The following HCN1 variants were observed in gnomAD, a reference collection of about 807,000 sequenced individuals.
The protein encoded by HCN1 is potassium/sodium hyperpolarization-activated cyclic nucleotide-gated channel 1.
In HCN1, 13 loss-of-function variants were observed where a neutral mutation model predicts 78.9. The ratio of observed to expected loss-of-function variants is 0.16; its 90% CI spans 0.11 to 0.26. The LOEUF (loss-of-function observed/expected upper bound fraction) is 0.26. HCN1 is among the 10% of genes least tolerant of loss of function. HCN1 has a pLI of 1.00. For missense variants in HCN1, 810 were observed against 1,154.3 expected, an observed-to-expected ratio of 0.70 and a Z score of 4.32; for synonymous variants, 552 against 455.5, an observed-to-expected ratio of 1.21 and a Z score of -2.70.
At chr5:45,396,450 G>T (rs1249869330) in intron 4 of HCN1, 42 bp downstream of exon 4, 1 of 1,481,802 alleles carries the variant, frequency 6.7e-7, no homozygotes, top group Non-Finnish European at 9.3e-7. Context: ...ACTGGTTCAG[G>T]TTAGCTGGTT....
chr5:45,276,272 CTATT>C (rs1745056175), intron 6 of HCN1, among the ~76,000 whole-genome samples: 1 of 152,018 alleles, frequency 6.6e-6, no homozygotes, highest in Non-Finnish European at 1.5e-5. Flanking sequence ...TGCATTTCCT[CTATT>C]TGTTTAATGC....
chr5:45,407,134 A>G (rs1022209381), intron 3 of HCN1, among the ~76,000 whole-genome samples: 2 of 152,164 alleles, frequency 1.3e-5, no homozygotes, highest in African/African-American at 4.8e-5. Flanking sequence ...AATAAGTACA[A>G]TCATGCACCA....
chr5:45,372,401 A>C (rs1474320428), intron 4 of HCN1, among the ~76,000 whole-genome samples: 3 of 118,486 alleles, frequency 2.5e-5, no homozygotes, highest in East Asian at 2.3e-4. Context: ...AAATTATATA[A>C]AATATAATTA....
intron 2 of HCN1, among the ~76,000 whole-genome samples, chr5:45,613,289 A>C (rs930099846): frequency 6.6e-6 from 1 of 151,754 alleles, no homozygotes; most frequent in Non-Finnish European, 1.5e-5. Flanking sequence ...TTTACTGAGA[A>C]TGATGTTTTC....
At chr5:45,507,930 T>A (rs951792018) in intron 2 of HCN1, among the ~76,000 whole-genome samples, 1 of 152,258 alleles carries the variant, frequency 6.6e-6, no homozygotes, top group Non-Finnish European at 1.5e-5. Flanking sequence ...TAAAGAGACA[T>A]ATAACATTAT....
chr5:45,311,470 A>C (rs1321155175), intron 5 of HCN1, among the ~76,000 whole-genome samples: 1 of 152,130 alleles, frequency 6.6e-6, no homozygotes, highest in African/African-American at 2.4e-5. Context: ...GGAATTGATA[A>C]TTTTTGCTAA....
At chr5:45,418,376 C>A (rs1740160190) in intron 3 of HCN1, among the ~76,000 whole-genome samples, 1 of 149,936 alleles carries the variant, frequency 6.7e-6, no homozygotes, top group Non-Finnish European at 1.5e-5. Flanking sequence ...ATGATGAGGC[C>A]AAATCAGCAT....
At chr5:45,297,456 C>A (rs189594014) in intron 6 of HCN1, among the ~76,000 whole-genome samples, 2 of 152,070 alleles carry the variant, frequency 1.3e-5, no homozygotes, top group Non-Finnish European at 2.9e-5. Flanking sequence ...GGCTTGCTCC[C>A]AACATCAATT....
intron 2 of HCN1, among the ~76,000 whole-genome samples, chr5:45,602,042 T>C (rs1049605908): frequency 1.3e-5 from 2 of 152,088 alleles, no homozygotes; most frequent in Non-Finnish European, 2.9e-5. Context: ...GGCTTCCCGC[T>C]TCACTGGGCA....
At chr5:45,290,507 C>T (rs948779074) in intron 6 of HCN1, among the ~76,000 whole-genome samples, 4 of 151,946 alleles carry the variant, frequency 2.6e-5, no homozygotes, top group African/African-American at 9.7e-5. Flanking sequence ...ACATTTATGA[C>T]TTCTGTTAAG....
chr5:45,495,167 T>C (rs1204780581), intron 2 of HCN1, among the ~76,000 whole-genome samples: 2 of 120,560 alleles, frequency 1.7e-5, no homozygotes, highest in African/African-American at 6.4e-5. Context: ...GGGGATGGCA[T>C]TGAATCTATA....
chr5:45,366,881 T>C (rs1747249198), intron 4 of HCN1, among the ~76,000 whole-genome samples: 1 of 151,816 alleles, frequency 6.6e-6, no homozygotes, highest in Admixed American at 6.6e-5. Flanking sequence ...ATGGATGTTA[T>C]CATGGTACTT....
intron 2 of HCN1, chr5:45,644,929 T>G: frequency 1.9e-6 from 1 of 527,838 alleles, no homozygotes; most frequent in Non-Finnish European, 3.3e-6. Context: ...AATTGCTGAT[T>G]AAAGTGCATT....
At chr5:45,502,506 T>G (rs1742211073) in intron 2 of HCN1, among the ~76,000 whole-genome samples, 1 of 152,170 alleles carries the variant, frequency 6.6e-6, no homozygotes, top group East Asian at 1.9e-4. Context: ...GCTAAAATAT[T>G]GACTCTGCCA....
In HCN1 at chr5:45,679,327, C is replaced by G. The variant is rs150864474; in HGVS notation, c.425+16342G>C. Among the ~76,000 whole-genome samples the G allele has an allele frequency of 1.4e-4, 21 of 152,136 alleles. 1 individual carries two copies. The South Asian group carries it at 4.1e-3, about 30-fold the overall frequency. On this transcript the variant is annotated intron_variant, in intron 1 of 7. Coordinates refer to ENST00000303230, the MANE Select transcript of HCN1 (RefSeq NM_021072.4). ...AGAAATAAAGACACCTGGACTAGCA[C>G]CTGGCACCTAGTTAGAACTTAGCAG...
In HCN1 at chr5:45,517,520, TAAAAAAAA is replaced by T. The variant is rs773490588; in HGVS notation, c.850-55521_850-55514del. Among the ~76,000 whole-genome samples the T allele has an allele frequency of 1.2e-4, 11 of 94,384 alleles. No homozygotes were observed. In the Admixed American group the frequency reaches 1.2e-3, roughly 10 times the overall value. The allele number at this position is 94,384 out of a possible 152,430, so 61.9% of individuals were successfully genotyped here. A position where few individuals can be genotyped will look rare whatever the true frequency, so the allele number is the denominator to read the frequency against. The stretch of plus-strand genomic sequence containing the variant: ...AGAGATTGTATTCCCAATTTCCCCT[TAAAAAAAA>T]AAAAAAAAAAAAAAAACATGATTTC... On this transcript the variant is annotated intron_variant, in intron 2 of 7. Coordinates refer to ENST00000303230, the MANE Select transcript of HCN1 (RefSeq NM_021072.4).
intron 1 of HCN1, among the ~76,000 whole-genome samples, chr5:45,660,716 C>T: frequency 7.4e-6 from 1 of 134,382 alleles, no homozygotes; most frequent in Non-Finnish European, 1.6e-5. Context: ...AAGGCCATTA[C>T]ATAATGGTAA....
At chr5:45,313,771 C>T (rs1745912371) in intron 5 of HCN1, among the ~76,000 whole-genome samples, 1 of 152,034 alleles carries the variant, frequency 6.6e-6, no homozygotes, top group Non-Finnish European at 1.5e-5. Flanking sequence ...GTATCTGTGA[C>T]TGAAGATCAA....
rs548048639 is a variant in HCN1 at position 45,577,905 on chromosome 5, G to A, written c.849+67280C>T. On this transcript the variant is annotated intron_variant, in intron 2 of 7. Coordinates refer to ENST00000303230, the MANE Select transcript of HCN1 (RefSeq NM_021072.4). ...ATTAATATTAGTAATTTTCAAAATC[G>A]CATTAACCAGAGAGTAGGGTGGTTG... Among the ~76,000 whole-genome samples the A allele has an allele frequency of 3.9e-5, 6 of 152,040 alleles. No individual in the cohort carries two copies. The East Asian group carries it at 7.7e-4, about 20-fold the overall frequency.
Sources: allele counts gnomAD v4.1 joint callset (sites outside exome capture counted in the v4.1 genomes callset), GRCh38; gene constraint gnomAD v4.1.1; transcripts MANE v1.5; gene names NCBI Gene and HGNC (gene_info 2026-07-23, HGNC 2026-07-21).